Variants in ADAMTS4 observed in about 807,000 individuals in gnomAD.
ADAMTS4 encodes the protein A disintegrin and metalloproteinase with thrombospondin motifs 4.
A neutral mutation model predicts 66.7 loss-of-function variants in ADAMTS4; 38 were observed. That is an observed-to-expected ratio of 0.57 (90% CI 0.44 to 0.75). The LOEUF (loss-of-function observed/expected upper bound fraction) is 0.75. ADAMTS4 is among the 30% of genes least tolerant of loss of function. The pLI is 0.00. For synonymous variants in ADAMTS4, 418 were observed against 461.5 expected (o/e 0.91, Z 1.21); for missense variants, 1,014 against 1,116.7 (o/e 0.91, Z 1.31).
chr1:161,193,474 G>T lies in ADAMTS4; in HGVS notation c.1736-86C>A. The T allele has an allele frequency of 6.5e-7, 1 of 1,542,614 alleles. No individual in the cohort carries two copies. Among genetic ancestry groups the T allele is most frequent in the South Asian group, 1.2e-5 (1 of 82,350 alleles). ...ACCCAACCCCTGAGAACTCTAGACA[G>T]CACAGCTCTGCTCTTCCCTGCAGAC... On this transcript the variant is annotated intron_variant, in intron 6 of 8. Transcript: ENST00000367996. This position sits in a 1 kb window ranked among gnomAD's most constrained non-coding sequence, Gnocchi z 4.4.
chr1:161,198,542 A>G lies in ADAMTS4; in HGVS notation c.86T>C (p.Val29Ala), dbSNP rs749092194. The G allele has an allele frequency of 6.4e-7, 1 of 1,565,938 alleles. No individual in the cohort carries two copies. Among genetic ancestry groups the G allele is most frequent in the South Asian group, 1.2e-5 (1 of 85,452 alleles). The change falls in exon 1 of 9, where the codon GTG (valine) becomes GCG (alanine). Residue 29 changes from valine to alanine, a missense_variant. By Grantham distance (64) the Val-to-Ala change is moderately conservative (BLOSUM62 0). Transcript: ENST00000367996. This position sits in a 1 kb window ranked among gnomAD's most constrained non-coding sequence, Gnocchi z 4.7. ...GAQPCLLLPI[V>A]PLSWLVWLLL... is the part of the protein sequence containing the mutation. ...CAGCCACACCAGCCAGGAGAGCGGC[A>G]CAATGGGGAGCAGGAGGCAGGGTTG...
At position 161,189,282 on chromosome 1, in the gene ADAMTS4, C is replaced by T. The variant is rs901288299; in HGVS notation, c.*1856G>A. 2 of 152,132 alleles carry T rather than the reference C, an allele frequency of 1.3e-5. No homozygotes were observed. Among genetic ancestry groups the T allele is most frequent in the African/African-American group, 4.8e-5 (2 of 41,416 alleles). 9.4% of individuals were successfully genotyped at this position (152,132 alleles called of 1,614,324 possible). On this transcript the variant is annotated 3_prime_UTR_variant, in exon 9 of 9. Transcript: ENST00000367996. ...GCAATCTAAGGCTCAGCATCAGTGA[C>T]TTACCCAACACCACCCAGCTAATAA...
At chr1:161,192,008 C>T (rs987083853) in intron 8 of ADAMTS4, 57 bp downstream of exon 8, 10 of 1,570,814 alleles carry the variant, frequency 6.4e-6, no homozygotes, top group African/African-American at 1.3e-5. Flanking sequence ...TTCCCCTCTG[C>T]ATCACTAGGA....
chr1:161,196,180 G>A lies in ADAMTS4; in HGVS notation c.1081C>T (p.His361Tyr). Residue 361 changes from histidine to tyrosine, a missense_variant, in exon 3 of 9, where the codon CAT (histidine) becomes TAT (tyrosine). Physicochemically the swap from His to Tyr is moderately conservative, Grantham distance 83. Transcript: ENST00000367996. ...TCCACCCCTACTTTACCCAGTTCATGAGCAGCAGTGAAGGCTGACTGGAGC... is the reference window on the plus strand; with the variant it reads ...TCCACCCCTACTTTACCCAGTTCATAAGCAGCAGTGAAGGCTGACTGGAGC... Reference protein sequence around the residue: ...DGLQSAFTAAHELGHVFNMLH... With the variant: ...DGLQSAFTAAYELGHVFNMLH... 2 of 1,601,148 alleles carry A rather than the reference G, an allele frequency of 1.2e-6. No individual in the cohort carries two copies. The highest frequency in any genetic ancestry group is 1.4e-5 in the African/African-American group (1 of 73,718).
At position 161,191,532 on chromosome 1, in the gene ADAMTS4, G is replaced by A. The variant is rs774912153; in HGVS notation, c.2120C>T (p.Ala707Val). 3.7e-6 allele frequency: 6 copies of A among 1,613,336 alleles called. No homozygotes were observed. The highest frequency in any genetic ancestry group is 2.2e-5 in the South Asian group (2 of 91,000). Reference sequence around the variant, plus strand: ...CCGGACAAGAATGTGGGTGGCCCCCGCGGGGATAGTGACCACATTGTTGTA... The same window carrying A: ...CCGGACAAGAATGTGGGTGGCCCCCACGGGGATAGTGACCACATTGTTGTA... ...YGYNNVVTIP[A>V]GATHILVRQQ... The change falls in exon 9 of 9, where the codon GCG becomes GTG. Residue 707 changes from alanine (A) to valine (V), a missense_variant. Coordinates refer to ENST00000367996, the MANE Select transcript of ADAMTS4 (RefSeq NM_005099.6).
At position 161,185,698 on chromosome 1, in the gene ADAMTS4, T is replaced by C. The variant is rs556240743; in HGVS notation, c.*5440A>G. On this transcript the variant is annotated 3_prime_UTR_variant, in exon 9 of 9. Transcript: ENST00000367996. ...GTCACTTACTGCCAATCTGGTATTTTAGAAAACAAAATACTGTAATACTGT... is the reference window on the plus strand; with the variant it reads ...GTCACTTACTGCCAATCTGGTATTTCAGAAAACAAAATACTGTAATACTGT... 1 of 152,208 alleles carries C rather than the reference T, an allele frequency of 6.6e-6. No individual in the cohort carries two copies. Among genetic ancestry groups the C allele is most frequent in the Non-Finnish European group, 1.5e-5 (1 of 68,002 alleles). The allele number at this position is 152,208 out of a possible 1,614,324, so 9.4% of individuals were successfully genotyped here.
Position 161,191,241 on chromosome 1 carries a change from C to A in ADAMTS4, c.2411G>T (p.Arg804Leu). 1 of 1,613,468 alleles carries A rather than the reference C, an allele frequency of 6.2e-7. No individual in the cohort carries two copies. Among genetic ancestry groups the A allele is most frequent in the Non-Finnish European group, 8.5e-7 (1 of 1,179,812 alleles). Residue 804 changes from arginine to leucine, a missense_variant, in exon 9 of 9, where the codon CGG becomes CTG. Physicochemically the swap from Arg to Leu is moderately radical, Grantham distance 102. Coordinates refer to ENST00000367996, the MANE Select transcript of ADAMTS4 (RefSeq NM_005099.6). ...TRLRYSFFVP[R>L]PTPSTPRPTP... ...GGGGCGTGGCGTTGAAGGGGTCGGC[C>A]GGGGCACGAAGAAGCTGTATCGGAG... is the stretch of plus-strand genomic sequence containing the variant.
chr1:161,198,172 C>A lies in ADAMTS4; in HGVS notation c.456G>T (p.Val152=). The A allele has an allele frequency of 1.9e-6, 3 of 1,614,122 alleles. No homozygotes were observed. Among genetic ancestry groups the A allele is most frequent in the Non-Finnish European group, 2.5e-6 (3 of 1,180,004 alleles). Residue 152 remains valine, a synonymous_variant, in exon 1 of 9, where the codon GTG becomes GTT. Transcript: ENST00000367996. This position sits in a 1 kb window ranked among gnomAD's most constrained non-coding sequence, Gnocchi z 4.7. ...GGAGTTCAGCCCCCCGATATTGTAA[C>A]ACGCCTAACAGGGCTCCCCCATCCC... ...LHWDGGALLG[V]LQYRGAELHL...
rs751831503 is a variant in ADAMTS4 at position 161,194,118 on chromosome 1, G to A, written c.1365C>T (p.Pro455=). Residue 455 remains proline (P), a synonymous_variant, in exon 5 of 9, where the codon CCC becomes CCT. Transcript: ENST00000367996. This position sits in a 1 kb window ranked among gnomAD's most constrained non-coding sequence, Gnocchi z 4.1. ...ADRQCQLTFG[P]DSRHCPQLPP... ...GCAGCTGTGGACAATGGCGTGAGTC[G>A]GGCCCGAAGGTCAGCTGGCACTGGC... 20 of 1,614,096 alleles carry A rather than the reference G, an allele frequency of 1.2e-5. No individual in the cohort carries two copies. The highest frequency in any genetic ancestry group is 2.2e-5 in the East Asian group (1 of 44,896).
Position 161,190,035 on chromosome 1 carries a change from C to T in ADAMTS4, c.*1103G>A, listed in dbSNP as rs1664624902. The T allele has an allele frequency of 6.6e-6, 1 of 152,022 alleles. No homozygotes were observed. Among genetic ancestry groups the T allele is most frequent in the African/African-American group, 2.4e-5 (1 of 41,344 alleles). The allele number at this position is 152,022 out of a possible 1,614,324, so 9.4% of individuals were successfully genotyped here. A position where few individuals can be genotyped will look rare whatever the true frequency, so the allele number is the denominator to read the frequency against. Reference sequence around the variant, plus strand: ...GCAGCCTGGCCAACATGGTGAAACCCTGTCTCTACTAAAAATACAAAAATT... The same window carrying T: ...GCAGCCTGGCCAACATGGTGAAACCTTGTCTCTACTAAAAATACAAAAATT... On this transcript the variant is annotated 3_prime_UTR_variant, in exon 9 of 9. Coordinates refer to ENST00000367996, the MANE Select transcript of ADAMTS4 (RefSeq NM_005099.6).
Position 161,184,570 on chromosome 1 carries a change from C to T in ADAMTS4, c.*6568G>A, listed in dbSNP as rs1664501945. 1 of 152,196 alleles carries T rather than the reference C, an allele frequency of 6.6e-6. No homozygotes were observed. Among genetic ancestry groups the T allele is most frequent in the South Asian group, 2.1e-4 (1 of 4,834 alleles). 9.4% of individuals were successfully genotyped at this position (152,196 alleles called of 1,614,324 possible). Reference sequence around the variant, plus strand: ...TGTGGAATGTTTACAATGTTTACAACCCATTGGCTTATTTATTGAACAAAT... The same window carrying T: ...TGTGGAATGTTTACAATGTTTACAATCCATTGGCTTATTTATTGAACAAAT... On this transcript the variant is annotated 3_prime_UTR_variant, in exon 9 of 9. Transcript: ENST00000367996.
At position 161,198,433 on chromosome 1, in the gene ADAMTS4, C is replaced by A; in HGVS notation, c.195G>T (p.Glu65Asp). The change falls in exon 1 of 9, where the codon GAG (glutamate) becomes GAT (aspartate). Residue 65 changes from glutamate to aspartate, a missense_variant. Coordinates refer to ENST00000367996, the MANE Select transcript of ADAMTS4 (RefSeq NM_005099.6). This position sits in a 1 kb window ranked among gnomAD's most constrained non-coding sequence, Gnocchi z 4.7. ...LPREEEIVFP[E>D]KLNGSVLPGS... ...CAGGCAGGACGCTGCCGTTGAGCTT[C>A]TCTGGAAACACGATCTCCTCCTCCC... The A allele has an allele frequency of 6.3e-7, 1 of 1,591,838 alleles. No homozygotes were observed. The highest frequency in any genetic ancestry group is 8.6e-7 in the Non-Finnish European group (1 of 1,169,468).
rs199841531 is a variant in ADAMTS4, at chr1:161,198,411, G to C, written c.217C>G (p.Pro73Ala). 21 of 1,604,086 alleles carry C rather than the reference G, an allele frequency of 1.3e-5. No individual in the cohort carries two copies. Among genetic ancestry groups the C allele is most frequent in the Non-Finnish European group, 1.7e-5 (20 of 1,175,844 alleles). Residue 73 changes from proline (P) to alanine (A), a missense_variant, in exon 1 of 9, where the codon CCT (proline) becomes GCT (alanine). Coordinates refer to ENST00000367996, the MANE Select transcript of ADAMTS4 (RefSeq NM_005099.6). This position sits in a 1 kb window ranked among gnomAD's most constrained non-coding sequence, Gnocchi z 4.7. ...FPEKLNGSVL[P>A]GSGAPARLLC... The stretch of plus-strand genomic sequence containing the variant: ...AGCCTGGCAGGGGCGCCCGAGCCAG[G>C]CAGGACGCTGCCGTTGAGCTTCTCT...
chr1:161,194,078 C>A lies in ADAMTS4; in HGVS notation c.1405G>T (p.Ala469Ser), dbSNP rs780780354. The part of the protein sequence containing the change: ...HCPQLPPPCA[A>S]LWCSGHLNGH... ...TTGAGGTGGCCAGAGCACCAGAGGG[C>A]AGCACAGGGCGGCGGCAGCTGTGGA... The change falls in exon 5 of 9, where the codon GCC becomes TCC. Residue 469 changes from alanine to serine, a missense_variant. By Grantham distance (99) the Ala-to-Ser change is moderately conservative. Coordinates refer to ENST00000367996, the MANE Select transcript of ADAMTS4 (RefSeq NM_005099.6). The surrounding 1 kb of genome is among the most constrained non-coding windows in gnomAD (Gnocchi z 4.1). 6.2e-7 allele frequency: 1 copy of A among 1,614,230 alleles called. No individual in the cohort carries two copies. The highest frequency in any genetic ancestry group is 8.5e-7 in the Non-Finnish European group (1 of 1,180,042).
In ADAMTS4 at chr1:161,193,208, C is replaced by G; in HGVS notation, c.1911+5G>C. ...GACAGGGCCTGGGGGTGTCCTGACC[C>G]TCACCCGTGGCTCCAGCACATAGTA... is the stretch of plus-strand genomic sequence containing the variant. On this transcript the variant is annotated splice_donor_5th_base_variant and intron_variant, in intron 7 of 8. Transcript: ENST00000367996. The surrounding 1 kb of genome is among the most constrained non-coding windows in gnomAD (Gnocchi z 4.4). The G allele has an allele frequency of 6.2e-7, 1 of 1,611,136 alleles. No individual in the cohort carries two copies. Among genetic ancestry groups the G allele is most frequent in the East Asian group, 2.2e-5 (1 of 44,774 alleles).
At position 161,191,541 on chromosome 1, in the gene ADAMTS4, G is replaced by A. The variant is rs769718699; in HGVS notation, c.2111C>T (p.Thr704Ile). ...AATGTGGGTGGCCCCCGCGGGGATAGTGACCACATTGTTGTATCCGTACCT... is the reference window on the plus strand; with the variant it reads ...AATGTGGGTGGCCCCCGCGGGGATAATGACCACATTGTTGTATCCGTACCT... ...KFRYGYNNVV[T>I]IPAGATHILV... Residue 704 changes from threonine (T) to isoleucine (I), a missense_variant, in exon 9 of 9, where the codon ACT becomes ATT. Physicochemically the swap from Thr to Ile is moderately conservative, Grantham distance 89. Coordinates refer to ENST00000367996, the MANE Select transcript of ADAMTS4 (RefSeq NM_005099.6). The A allele has an allele frequency of 4.3e-6, 7 of 1,612,706 alleles. No individual in the cohort carries two copies. The African/African-American group carries it at 9.3e-5, about 22-fold the overall frequency.
In ADAMTS4 at chr1:161,192,124, C is replaced by T. The variant is rs1378783065; in HGVS notation, c.2028G>A (p.Met676Ile). The T allele has an allele frequency of 2.5e-6, 4 of 1,614,018 alleles. No homozygotes were observed. Among genetic ancestry groups the T allele is most frequent in the Non-Finnish European group, 3.4e-6 (4 of 1,180,046 alleles). The change falls in exon 8 of 9, where the codon ATG becomes ATA. Residue 676 changes from methionine to isoleucine, a missense_variant. Physicochemically the swap from Met to Ile is conservative, Grantham distance 10 (BLOSUM62 1). Coordinates refer to ENST00000367996, the MANE Select transcript of ADAMTS4 (RefSeq NM_005099.6). ...IGSKKKFDKC[M>I]VCGGDGSGCS... The stretch of plus-strand genomic sequence containing the variant: ...AACCAGAACCGTCCCCTCCGCACAC[C>T]ATGCACTTGTCAAACTTCTTCTTGG...
chr1:161,195,180 C>T (rs952967141), intron 4 of ADAMTS4, among the ~76,000 whole-genome samples: 7 of 152,224 alleles, frequency 4.6e-5, no homozygotes, highest in Admixed American at 4.6e-4. Context: ...ACAAGGTAAT[C>T]ACCTCCTTCA....
rs1309516726 is a variant in ADAMTS4 at position 161,195,537 on chromosome 1, G to A, written c.1189C>T (p.His397Tyr). 4.3e-6 allele frequency: 7 copies of A among 1,613,904 alleles called. No individual in the cohort carries two copies. The Admixed American group carries it at 1.2e-4, about 27-fold the overall frequency. The change falls in exon 4 of 9, where the codon CAT (histidine) becomes TAT (tyrosine). Residue 397 changes from histidine to tyrosine, a missense_variant. Coordinates refer to ENST00000367996, the MANE Select transcript of ADAMTS4 (RefSeq NM_005099.6). The stretch of plus-strand genomic sequence containing the variant: ...GACCAGGGCTCCTCAGGATCCACAT[G>A]AGCCATCACAGGGGCCATGACATGG... ...SRHVMAPVMA[H>Y]VDPEEPWSPC...
Sources: gnomAD v4.1 joint callset for allele counts (sites outside exome capture counted in the v4.1 genomes callset) on GRCh38, gnomAD v4.1.1 for gene constraint, Gnocchi (gnomAD v3.1) non-coding constraint, MANE v1.5 for transcripts, NCBI Gene and HGNC (gene_info 2026-07-23, HGNC 2026-07-21) for gene names.